PIK3C2G: variants seen among roughly 807,000 people sequenced by gnomAD.
PIK3C2G encodes the protein phosphatidylinositol 3-kinase C2 domain-containing subunit gamma.
Under a neutral mutation model 181.1 loss-of-function variants are expected in PIK3C2G, and 168 were observed. That is an observed-to-expected ratio of 0.93 (90% CI 0.82 to 1.05). The LOEUF is 1.05. Ranked by LOEUF, PIK3C2G falls within the 50% of genes least tolerant of loss-of-function variation. PIK3C2G has a pLI of 0.00. For synonymous variants in PIK3C2G, 573 were observed against 592.2 expected (o/e 0.97, Z 0.47); for missense variants, 1,869 against 1,732.8 (o/e 1.08, Z -1.40).
chr12:18,320,842 C>G, intron 6 of PIK3C2G, 120 bp from the exon 7 acceptor site: 1 of 635,204 alleles, frequency 1.6e-6, no homozygotes, highest in South Asian at 2.0e-5. Flanking sequence ...AATATAAAAG[C>G]GATGAATGAG....
At position 18,563,425 on chromosome 12, in the gene PIK3C2G, G is replaced by C. The variant is rs1945451920; in HGVS notation, c.3829G>C (p.Glu1277Gln). ...CAGCAACAACGAAACAAGCCTGACA[G>C]AAAAATCATTTGAGCAGTTTTCAAA... is the stretch of plus-strand genomic sequence containing the variant. Reference protein sequence around the residue: ...THSNNETSLTEKSFEQFSKLH... With the variant: ...THSNNETSLTQKSFEQFSKLH... The change falls in exon 28 of 33, where the codon GAA (glutamate) becomes CAA (glutamine). Residue 1277 changes from glutamate (E) to glutamine (Q), a missense_variant. Physicochemically the swap from Glu to Gln is conservative, Grantham distance 29 (BLOSUM62 2). Coordinates refer to ENST00000538779, the MANE Select transcript of PIK3C2G (RefSeq NM_001288772.2). 1 of 1,613,636 alleles carries C rather than the reference G, an allele frequency of 6.2e-7. No individual in the cohort carries two copies. Among genetic ancestry groups the C allele is most frequent in the African/African-American group, 1.3e-5 (1 of 75,030 alleles).
chr12:18,525,977 A>G (rs1943206402), intron 24 of PIK3C2G, among the ~76,000 whole-genome samples: 1 of 152,204 alleles, frequency 6.6e-6, no homozygotes, highest in East Asian at 1.9e-4. Flanking sequence ...TAATCTCAGC[A>G]TTTTCATCCC....
In PIK3C2G at chr12:18,538,176, T is replaced by G. The variant is rs1403012337; in HGVS notation, c.3344T>G (p.Phe1115Cys). 1 of 1,611,756 alleles carries G rather than the reference T, an allele frequency of 6.2e-7. No individual in the cohort carries two copies. Among genetic ancestry groups the G allele is most frequent in the Non-Finnish European group, 8.5e-7 (1 of 1,178,876 alleles). ...GIKRDRAPFI[F>C]TSEMEYFITE... is the part of the protein sequence containing the mutation. Reference sequence around the variant, plus strand: ...TACAGGGACCGAGCTCCTTTCATTTTTACTTCAGAGATGGAATACTTTATT... The same window carrying G: ...TACAGGGACCGAGCTCCTTTCATTTGTACTTCAGAGATGGAATACTTTATT... Residue 1115 changes from phenylalanine (F) to cysteine (C), a missense_variant, in exon 25 of 33, where the codon TTT becomes TGT. Transcript: ENST00000538779.
At chr12:18,685,386 T>G in the PIK3C2G span, 2 of 171,140 alleles carry the variant, frequency 1.2e-5, no homozygotes, top group Admixed American at 1.1e-4. Context: ...TAAATTCTGC[T>G]TAATAAAGAC....
At chr12:18,470,785 A>G (rs1335428579) in intron 18 of PIK3C2G, among the ~76,000 whole-genome samples, 3 of 152,124 alleles carry the variant, frequency 2.0e-5, no homozygotes, top group Non-Finnish European at 4.4e-5. Flanking sequence ...AGTGGTTCTC[A>G]ATGTCAACAG....
intron 5 of PIK3C2G, among the ~76,000 whole-genome samples, chr12:18,295,517 T>A (rs775915674): frequency 6.6e-6 from 1 of 152,046 alleles, no homozygotes; most frequent in Non-Finnish European, 1.5e-5. Flanking sequence ...AAGTATAATG[T>A]GGAGAAAATT....
intron 24 of PIK3C2G, among the ~76,000 whole-genome samples, chr12:18,522,041 T>C (rs900515110): frequency 3.9e-5 from 6 of 152,182 alleles, no homozygotes; most frequent in African/African-American, 1.4e-4. Flanking sequence ...ACCATACTGC[T>C]CTTCCTTCCT....
At chr12:18,341,020 C>T (rs992706445) in intron 9 of PIK3C2G, among the ~76,000 whole-genome samples, 86 of 152,220 alleles carry the variant, frequency 5.6e-4, no homozygotes, top group East Asian at 1.9e-4. Context: ...GATGTCGACA[C>T]GTCTTCCCAT....
chr12:18,461,776 C>T lies in PIK3C2G; in HGVS notation c.2505-26673C>T, dbSNP rs1722517661. On this transcript the variant is annotated intron_variant, in intron 18 of 32. Coordinates refer to ENST00000538779, the MANE Select transcript of PIK3C2G (RefSeq NM_001288772.2). ...AGGCCAGACACAGAATCTGCTGGCA[C>T]CTTGACCTTGGACTCCACAGACTCA... Among the ~76,000 whole-genome samples the T allele has an allele frequency of 3.3e-5, 5 of 152,172 alleles. No homozygotes were observed. The South Asian group carries it at 1.0e-3, about 32-fold the overall frequency.
chr12:18,572,694 T>C (rs993917824), intron 29 of PIK3C2G, among the ~76,000 whole-genome samples: 11 of 152,012 alleles, frequency 7.2e-5, no homozygotes, highest in Admixed American at 4.6e-4. Flanking sequence ...TCTCTTTTTC[T>C]AGGACTGTAA....
chr12:18,562,831 T>A lies in PIK3C2G; in HGVS notation c.3719T>A (p.Leu1240Gln). The A allele has an allele frequency of 6.2e-7, 1 of 1,607,700 alleles. No homozygotes were observed. Residue 1240 changes from leucine to glutamine, a missense_variant, in exon 27 of 33, where the codon CTG becomes CAG. Leu to Gln is a moderately radical substitution (Grantham distance 113). Transcript: ENST00000538779. ...SQTFPQESCL[L>Q]STTRSIERAT... ...ACTTTTCCTCAGGAATCCTGTTTGCTGAGTACAACTAGGTCGATTGAAAGA... is the reference window on the plus strand; with the variant it reads ...ACTTTTCCTCAGGAATCCTGTTTGCAGAGTACAACTAGGTCGATTGAAAGA...
At chr12:18,592,061 T>A (rs1947111530) in intron 29 of PIK3C2G, among the ~76,000 whole-genome samples, 1 of 151,856 alleles carries the variant, frequency 6.6e-6, no homozygotes, top group Non-Finnish European at 1.5e-5. Flanking sequence ...AAGGAAAAAC[T>A]ATTTAGTGGT....
intron 5 of PIK3C2G, among the ~76,000 whole-genome samples, chr12:18,301,583 T>C (rs1950176771): frequency 6.6e-6 from 1 of 152,042 alleles, no homozygotes; most frequent in South Asian, 2.1e-4. Flanking sequence ...TTTTTGTCTC[T>C]TTTTTTACTC....
At chr12:18,471,832 T>G (rs1938490628) in intron 18 of PIK3C2G, among the ~76,000 whole-genome samples, 1 of 152,172 alleles carries the variant, frequency 6.6e-6, no homozygotes, top group Non-Finnish European at 1.5e-5. Flanking sequence ...ATTTTTATGC[T>G]TCAATGGCTT....
chr12:18,437,526 A>C (rs1946513320), intron 18 of PIK3C2G, among the ~76,000 whole-genome samples: 1 of 152,008 alleles, frequency 6.6e-6, no homozygotes, highest in Non-Finnish European at 1.5e-5. Context: ...TCTTGACAGA[A>C]TGTCAGATAA....
intron 9 of PIK3C2G, among the ~76,000 whole-genome samples, chr12:18,343,096 T>TA (rs1939292697): frequency 6.6e-6 from 1 of 152,042 alleles, no homozygotes; most frequent in African/African-American, 2.4e-5. Flanking sequence ...AATTTCTTTT[T>TA]AAAAAAATAC....
the PIK3C2G span, among the ~76,000 whole-genome samples, chr12:18,695,765 A>G: frequency 1.3e-5 from 2 of 152,140 alleles, no homozygotes; most frequent in East Asian, 3.9e-4. Flanking sequence ...TTTCAAAACT[A>G]TGAATGTAGA....
At chr12:18,527,894 A>G (rs1242670296) in intron 24 of PIK3C2G, among the ~76,000 whole-genome samples, 2 of 152,130 alleles carry the variant, frequency 1.3e-5, no homozygotes, top group Middle Eastern at 3.2e-3. Flanking sequence ...TTATTAATCT[A>G]TTGATGATCA....
intron 13 of PIK3C2G, among the ~76,000 whole-genome samples, 162 bp from the exon 14 acceptor site, chr12:18,381,604 A>G (rs1490845877): frequency 6.6e-6 from 1 of 152,232 alleles, no homozygotes; most frequent in Non-Finnish European, 1.5e-5. Context: ...ACTGTTAATC[A>G]GTGTCTAGGC....
Sources: allele counts gnomAD v4.1 joint callset (sites outside exome capture counted in the v4.1 genomes callset), GRCh38; gene constraint gnomAD v4.1.1; transcripts MANE v1.5; gene names NCBI Gene and HGNC (gene_info 2026-07-23, HGNC 2026-07-21).